Variants in RNF216 observed in about 807,000 individuals in gnomAD.
RNF216 encodes E3 ubiquitin-protein ligase RNF216.
In RNF216, 72 loss-of-function variants were observed where a neutral mutation model predicts 110.8. The observed-to-expected ratio is 0.65, with a 90% CI of 0.54 to 0.79. RNF216 has a LOEUF of 0.79. Ranked by LOEUF, RNF216 falls within the 30% of genes least tolerant of loss-of-function variation. RNF216 has a pLI of 0.00. For missense variants in RNF216, 1,342 were observed against 1,141.2 expected (o/e 1.18, Z -2.54); for synonymous variants, 495 against 407.5 (o/e 1.21, Z -2.59).
chr7:5,758,314 T>C (rs1285066051), intron 2 of RNF216, among the ~76,000 whole-genome samples: 1 of 152,220 alleles, frequency 6.6e-6, no homozygotes, highest in Non-Finnish European at 1.5e-5. Context: ...TAGAATACAT[T>C]ATTAATAAAA....
rs1005660103 is a variant in RNF216, at chr7:5,620,752, G to C, written c.*2108C>G. 2.0e-5 allele frequency: 3 copies of C among 152,516 alleles called. No homozygotes were observed. Among genetic ancestry groups the C allele is most frequent in the African/African-American group, 7.2e-5 (3 of 41,444 alleles). 9.4% of individuals were successfully genotyped at this position (152,516 alleles called of 1,614,324 possible). A position where few individuals can be genotyped will look rare whatever the true frequency, so the allele number is the denominator to read the frequency against. ...CAGGGTTGAGGCCAGCACCTGTCTA[G>C]GGCTGTTTCTGCAGCTGCTGCCTGC... On this transcript the variant is annotated 3_prime_UTR_variant, in exon 17 of 17. Transcript: ENST00000389902.
chr7:5,693,517 A>T (rs1357979525), intron 13 of RNF216, among the ~76,000 whole-genome samples: 1 of 152,230 alleles, frequency 6.6e-6, no homozygotes, highest in Non-Finnish European at 1.5e-5. Flanking sequence ...GCTCCAAGAC[A>T]TTTGAGGAAG....
rs770440453 is a variant in RNF216 at position 5,716,781 on chromosome 7, A to G, written c.1645-15T>C. 2 of 1,601,614 alleles carry G rather than the reference A, an allele frequency of 1.2e-6. No homozygotes were observed. Among genetic ancestry groups the G allele is most frequent in the Non-Finnish European group, 8.5e-7 (1 of 1,172,838 alleles). On this transcript the variant is annotated splice_polypyrimidine_tract_variant and intron_variant, in intron 9 of 16. Transcript: ENST00000389902. Reference sequence around the variant, plus strand: ...AAGTCTTCATGCTGAAGAACAAAAAAGGCACACATTCAGACACAAATTTAG... The same window carrying G: ...AAGTCTTCATGCTGAAGAACAAAAAGGGCACACATTCAGACACAAATTTAG...
At chr7:5,661,591 T>A (rs1789141278) in intron 13 of RNF216, among the ~76,000 whole-genome samples, 1 of 152,076 alleles carries the variant, frequency 6.6e-6, no homozygotes, top group African/African-American at 2.4e-5. Flanking sequence ...TCACTTAAGG[T>A]CAGGAGTTTG....
intron 16 of RNF216, 87 bp downstream of exon 16, chr7:5,623,969 T>C (rs1786551730): frequency 8.6e-7 from 1 of 1,163,048 alleles, no homozygotes; most frequent in African/African-American, 1.5e-5. Flanking sequence ...TGTGCTGGGT[T>C]GAGTGCCAGG....
intron 7 of RNF216, among the ~76,000 whole-genome samples, chr7:5,727,765 C>G (rs1023608724): frequency 6.6e-6 from 1 of 151,876 alleles, no homozygotes; most frequent in African/African-American, 2.4e-5. Flanking sequence ...GATAATAATA[C>G]AGACTGCTCC....
At chr7:5,691,677 C>G (rs528046429) in intron 13 of RNF216, among the ~76,000 whole-genome samples, 2 of 152,340 alleles carry the variant, frequency 1.3e-5, no homozygotes, top group South Asian at 4.1e-4. Flanking sequence ...GTAGAATCTT[C>G]TATCTGGCAT....
At chr7:5,715,829 C>T (rs1793024598) in intron 10 of RNF216, among the ~76,000 whole-genome samples, 1 of 150,846 alleles carries the variant, frequency 6.6e-6, no homozygotes, top group Non-Finnish European at 1.5e-5. Context: ...GCAACCTCCA[C>T]CTCCCAGGTT....
chr7:5,695,041 G>C (rs939397716), intron 13 of RNF216, among the ~76,000 whole-genome samples: 4 of 152,064 alleles, frequency 2.6e-5, no homozygotes. Context: ...TACACTAATG[G>C]GCCAATGGGG....
chr7:5,667,140 T>C (rs1269175889), intron 13 of RNF216, among the ~76,000 whole-genome samples: 1 of 152,200 alleles, frequency 6.6e-6, no homozygotes, highest in Non-Finnish European at 1.5e-5. Flanking sequence ...TGTGGCCCTA[T>C]GGTGGGTTGT....
At chr7:5,722,174 T>C (rs911569220) in intron 8 of RNF216, among the ~76,000 whole-genome samples, 6 of 152,212 alleles carry the variant, frequency 3.9e-5, no homozygotes, top group Admixed American at 1.3e-4. Context: ...TCCACCAGCC[T>C]TGGCCTCCCA....
intron 9 of RNF216, among the ~76,000 whole-genome samples, chr7:5,717,221 C>T (rs915357181): frequency 6.6e-6 from 1 of 152,022 alleles, no homozygotes; most frequent in South Asian, 2.1e-4. Flanking sequence ...GGCATGGTGG[C>T]GTGCACCTGT....
At chr7:5,662,148 G>C (rs894781744) in intron 13 of RNF216, among the ~76,000 whole-genome samples, 1 of 152,186 alleles carries the variant, frequency 6.6e-6, no homozygotes, top group African/African-American at 2.4e-5. Context: ...GGAGAGCTGC[G>C]AATGGCTCAG....
chr7:5,779,616 T>A (rs1234271348), intron 1 of RNF216, among the ~76,000 whole-genome samples: 2 of 147,908 alleles, frequency 1.4e-5, no homozygotes, highest in African/African-American at 5.0e-5. Context: ...GAGGGTCACT[T>A]AAACCCAGGA....
At chr7:5,753,397 T>C (rs1359941198) in intron 2 of RNF216, among the ~76,000 whole-genome samples, 1 of 152,182 alleles carries the variant, frequency 6.6e-6, no homozygotes, top group Non-Finnish European at 1.5e-5. Context: ...AAATTTTAAT[T>C]GTTTAAAATA....
chr7:5,750,033 AG>A (rs1795248811), intron 3 of RNF216, among the ~76,000 whole-genome samples: 1 of 152,214 alleles, frequency 6.6e-6, no homozygotes, highest in Non-Finnish European at 1.5e-5. Flanking sequence ...TCCTCCCAAC[AG>A]GATCCCTCCA....
At chr7:5,674,987 ACT>A (rs1790185199) in intron 13 of RNF216, among the ~76,000 whole-genome samples, 1 of 152,048 alleles carries the variant, frequency 6.6e-6, no homozygotes, top group Admixed American at 6.6e-5. Context: ...ACAGAGAGAG[ACT>A]CTGTCTCAAA....
chr7:5,639,130 G>C (rs1787577305), intron 15 of RNF216, among the ~76,000 whole-genome samples: 1 of 152,194 alleles, frequency 6.6e-6, no homozygotes, highest in African/African-American at 2.4e-5. Flanking sequence ...TGGGACTGAA[G>C]CAGAAGTGAC....
intron 3 of RNF216, among the ~76,000 whole-genome samples, chr7:5,752,242 A>G (rs1026188865): frequency 6.6e-6 from 1 of 152,172 alleles, no homozygotes; most frequent in Non-Finnish European, 1.5e-5. Flanking sequence ...CAAAAGCAAC[A>G]GAAAATATAA....
Sources: allele counts gnomAD v4.1 joint callset (sites outside exome capture counted in the v4.1 genomes callset), GRCh38; gene constraint gnomAD v4.1.1; transcripts MANE v1.5; gene names NCBI Gene and HGNC (gene_info 2026-07-23, HGNC 2026-07-21).